KIF6: variants seen among roughly 807,000 people sequenced by gnomAD.
The protein encoded by KIF6 is kinesin family member 6, also known as kinesin-like protein KIF6.
KIF6 carries 106 observed loss-of-function variants against 112.7 expected under a neutral mutation model. The observed-to-expected ratio is 0.94, with a 90% CI of 0.80 to 1.11. The LOEUF is 1.11. KIF6 is among the 50% of genes least tolerant of loss of function. KIF6 has a pLI of 0.00. For synonymous variants in KIF6, 339 were observed against 339.9 expected (o/e 1.00, Z 0.03); for missense variants, 929 against 964.0 (o/e 0.96, Z 0.48).
intron 4 of KIF6, among the ~76,000 whole-genome samples, chr6:39,635,309 AT>A (rs1201994203): frequency 2.0e-5 from 3 of 152,138 alleles, no homozygotes; most frequent in African/African-American, 4.8e-5. Context: ...ACTAAAAAAA[AT>A]AAACATATTC....
At chr6:39,694,511 C>A (rs1323590044) in intron 3 of KIF6, among the ~76,000 whole-genome samples, 1 of 152,124 alleles carries the variant, frequency 6.6e-6, no homozygotes, top group African/African-American at 2.4e-5. Flanking sequence ...ACTATCATTT[C>A]TGTACACCAA....
chr6:39,637,180 T>G (rs1784662634), intron 4 of KIF6, among the ~76,000 whole-genome samples: 1 of 152,076 alleles, frequency 6.6e-6, no homozygotes. Flanking sequence ...AGAAAATCTC[T>G]TCTTCCAGAA....
At chr6:39,667,963 C>T (rs1192908820) in intron 3 of KIF6, among the ~76,000 whole-genome samples, 2 of 152,128 alleles carry the variant, frequency 1.3e-5, no homozygotes, top group Admixed American at 6.6e-5. Flanking sequence ...TGAGTGAGTT[C>T]TCGCTTTGAG....
At chr6:39,483,497 G>C (rs1338999244) in intron 13 of KIF6, among the ~76,000 whole-genome samples, 1 of 152,076 alleles carries the variant, frequency 6.6e-6, no homozygotes, top group East Asian at 1.9e-4. Context: ...CTCACACTGG[G>C]GTGTACCTTT....
chr6:39,680,019 T>G (rs1787419662), intron 3 of KIF6, among the ~76,000 whole-genome samples: 1 of 151,624 alleles, frequency 6.6e-6, no homozygotes, highest in South Asian at 2.1e-4. Flanking sequence ...TTTTTGTTTG[T>G]TTATTTTGAG....
At chr6:39,640,581 G>C (rs1014240516) in intron 3 of KIF6, among the ~76,000 whole-genome samples, 1 of 151,980 alleles carries the variant, frequency 6.6e-6, no homozygotes, top group African/African-American at 2.4e-5. Flanking sequence ...CCATGTTGTG[G>C]GTGGATTTTT....
chr6:39,715,029 A>AACAAATTG (rs773883907), intron 2 of KIF6: 56 of 306,214 alleles, frequency 1.8e-4, no homozygotes, highest in Non-Finnish European at 2.9e-4. Context: ...TGAACCAAAT[A>AACAAATTG]ACAAATTGTG....
At position 39,524,733 on chromosome 6, in the gene KIF6, C is replaced by T. The variant is rs138521793; in HGVS notation, c.1645+15270G>A. On this transcript the variant is annotated intron_variant, in intron 13 of 22. Transcript: ENST00000287152. The stretch of plus-strand genomic sequence containing the variant: ...TTAGGTCAACTGAGGCTGTTGTCAG[C>T]TGGCAAAGTTGCAATACAGCTCATC... Among the ~76,000 whole-genome samples the T allele has an allele frequency of 2.6e-3, 393 of 152,344 alleles. 4 individuals carry two copies. The highest frequency in any genetic ancestry group is 8.8e-3 in the African/African-American group (365 of 41,582).
chr6:39,598,500 A>G (rs2150690373), intron 6 of KIF6, among the ~76,000 whole-genome samples: 1 of 152,286 alleles, frequency 6.6e-6, no homozygotes, highest in South Asian at 2.1e-4. Context: ...GAAGTTCCAA[A>G]TACATATAAC....
intron 10 of KIF6, among the ~76,000 whole-genome samples, chr6:39,574,397 C>T (rs533268132): frequency 1.4e-4 from 21 of 152,198 alleles, no homozygotes; most frequent in African/African-American, 2.2e-4. Flanking sequence ...GTTTGCATGT[C>T]GGCAGAATGC....
intron 5 of KIF6, among the ~76,000 whole-genome samples, chr6:39,633,961 A>G (rs1393732806): frequency 6.6e-6 from 1 of 152,218 alleles, no homozygotes; most frequent in Non-Finnish European, 1.5e-5. Context: ...AAGAAAGAAG[A>G]GTCCCATATC....
rs980095395 is a variant in KIF6, at chr6:39,666,904, T to C, written c.252-27147A>G. Among the ~76,000 whole-genome samples the C allele has an allele frequency of 2.0e-5, 3 of 152,228 alleles. No individual in the cohort carries two copies. In the South Asian group the frequency reaches 6.2e-4, roughly 32 times the overall value. On this transcript the variant is annotated intron_variant, in intron 3 of 22. Coordinates refer to ENST00000287152, the MANE Select transcript of KIF6 (RefSeq NM_145027.6). ...ATCTGAGAGTCTAATTGTGTGGCCA[T>C]TGCAATTAAGCAATTTTCTGCTTTT...
intron 5 of KIF6, among the ~76,000 whole-genome samples, chr6:39,627,267 C>T (rs962911595): frequency 2.0e-5 from 3 of 152,290 alleles, no homozygotes; most frequent in Admixed American, 6.5e-5. Flanking sequence ...GCTATCTTCC[C>T]TATGAATCTT....
intron 10 of KIF6, among the ~76,000 whole-genome samples, chr6:39,572,054 G>A (rs6458119): frequency 0.23 from 35,192 of 151,962 alleles, 4,784 homozygotes; most frequent in African/African-American, 0.35. Context: ...AGTAAATAAT[G>A]TATTAACCAT....
chr6:39,601,875 G>A (rs941329655), intron 6 of KIF6, among the ~76,000 whole-genome samples: 4 of 152,092 alleles, frequency 2.6e-5, no homozygotes, highest in Non-Finnish European at 5.9e-5. Context: ...TCCAAACAAT[G>A]TGTAAGACAT....
chr6:39,454,693 C>A (rs1412827589), intron 13 of KIF6, among the ~76,000 whole-genome samples: 1 of 152,196 alleles, frequency 6.6e-6, no homozygotes, highest in Non-Finnish European at 1.5e-5. Flanking sequence ...CAGGGCGAGG[C>A]ATTGCCTCAC....
At chr6:39,445,477 G>A (rs1275650733) in intron 13 of KIF6, among the ~76,000 whole-genome samples, 1 of 152,206 alleles carries the variant, frequency 6.6e-6, no homozygotes, top group Admixed American at 6.5e-5. Context: ...GAGTGTCTAC[G>A]CTATTGACAC....
chr6:39,512,560 T>C (rs534406357), intron 13 of KIF6, among the ~76,000 whole-genome samples: 4 of 152,198 alleles, frequency 2.6e-5, no homozygotes, highest in Non-Finnish European at 5.9e-5. Context: ...GCAGTGAGCC[T>C]AGGCTTGTGT....
At chr6:39,389,093 G>T (rs1767655416) in intron 15 of KIF6, among the ~76,000 whole-genome samples, 1 of 152,170 alleles carries the variant, frequency 6.6e-6, no homozygotes, top group Admixed American at 6.5e-5. Flanking sequence ...CCTTAAATAT[G>T]ACCGCGAGCA....
Sources: gnomAD v4.1 joint callset for allele counts (sites outside exome capture counted in the v4.1 genomes callset) on GRCh38, gnomAD v4.1.1 for gene constraint, MANE v1.5 for transcripts, NCBI Gene and HGNC (gene_info 2026-07-23, HGNC 2026-07-21) for gene names.